Variants in NSUN4 observed in about 807,000 individuals in gnomAD.
NSUN4 encodes the protein NOP2/Sun RNA methyltransferase 4, also known as 5-cytosine rRNA methyltransferase NSUN4.
Under a neutral mutation model 43.8 loss-of-function variants are expected in NSUN4, and 31 were observed. The ratio of observed to expected loss-of-function variants is 0.71; its 90% CI spans 0.53 to 0.96. NSUN4 has a LOEUF of 0.96. NSUN4 is among the 40% of genes least tolerant of loss of function. NSUN4 has a pLI of 0.00. For missense variants in NSUN4, 439 were observed against 475.6 expected, an observed-to-expected ratio of 0.92 and a Z score of 0.72; for synonymous variants, 167 against 184.1, an observed-to-expected ratio of 0.91 and a Z score of 0.75.
the NSUN4 span, among the ~76,000 whole-genome samples, chr1:46,372,130 A>G: frequency 6.8e-6 from 1 of 146,116 alleles, no homozygotes; most frequent in Non-Finnish European, 1.5e-5. Flanking sequence ...TCTCCCAAAC[A>G]TGCCTTTTTA....
intron 4 of NSUN4, among the ~76,000 whole-genome samples, chr1:46,360,249 A>AAAATAT (rs1553177947): frequency 3.9e-5 from 1 of 25,738 alleles, no homozygotes; most frequent in African/African-American, 1.3e-4. Flanking sequence ...AAAAAAAAAA[A>AAAATAT]ATATATATAT....
At chr1:46,360,251 T>A (rs10535175) in intron 4 of NSUN4, among the ~76,000 whole-genome samples, 4,154 of 18,242 alleles carry the variant, frequency 0.23, 307 homozygotes, top group Non-Finnish European at 0.27. Flanking sequence ...AAAAAAAAAA[T>A]ATATATATAT....
chr1:46,356,876 G>A (rs991926266), intron 4 of NSUN4, among the ~76,000 whole-genome samples: 8 of 152,018 alleles, frequency 5.3e-5, no homozygotes, highest in African/African-American at 1.9e-4. Flanking sequence ...GTGAGCTCAA[G>A]TTTATTTCAA....
At position 46,364,521 on chromosome 1, in the gene NSUN4, G is replaced by A. The variant is rs1664068323; in HGVS notation, c.*2675G>A. The A allele has an allele frequency of 6.6e-6, 1 of 151,964 alleles. No homozygotes were observed. The highest frequency in any genetic ancestry group is 1.5e-5 in the Non-Finnish European group (1 of 68,026). The allele number at this position is 151,964 out of a possible 1,614,324, so 9.4% of individuals were successfully genotyped here. A position where few individuals can be genotyped will look rare whatever the true frequency, so the allele number is the denominator to read the frequency against. On this transcript the variant is annotated 3_prime_UTR_variant, in exon 6 of 6. Coordinates refer to ENST00000474844, the MANE Select transcript of NSUN4 (RefSeq NM_199044.4). ...GTGGTGAAACCCCATCTCTATAAAA[G>A]TACAAAAGGGCATGATGGCAGGTGC...
chr1:46,357,157 CT>C (rs901654224), intron 4 of NSUN4, among the ~76,000 whole-genome samples: 1 of 152,126 alleles, frequency 6.6e-6, no homozygotes, highest in South Asian at 2.1e-4. Flanking sequence ...CCTTTTCTTT[CT>C]TCTGTGACTG....
At chr1:46,346,224 G>C (rs1223200634) in intron 2 of NSUN4, among the ~76,000 whole-genome samples, 2 of 150,852 alleles carry the variant, frequency 1.3e-5, no homozygotes, top group East Asian at 3.9e-4. Context: ...CCCTCATAGA[G>C]CTTCCAGTTT....
chr1:46,351,892 C>G (rs1387358244), intron 3 of NSUN4, among the ~76,000 whole-genome samples: 1 of 151,494 alleles, frequency 6.6e-6, no homozygotes, highest in Admixed American at 6.6e-5. Flanking sequence ...TCTCGATCTC[C>G]TGACCTTGTG....
chr1:46,347,331 A>T (rs1662586507), intron 3 of NSUN4, among the ~76,000 whole-genome samples: 1 of 152,038 alleles, frequency 6.6e-6, no homozygotes, highest in African/African-American at 2.4e-5. Flanking sequence ...CCAGCTACTC[A>T]GGAGGCTGAG....
chr1:46,363,062 T>C lies in NSUN4; in HGVS notation c.*1216T>C, dbSNP rs41534051. 0.22 allele frequency: 33,981 copies of C among 151,926 alleles called. 4,275 individuals are homozygous for C. Among genetic ancestry groups the C allele is most frequent in the Non-Finnish European group, 0.29 (19,754 of 67,954 alleles). The allele number at this position is 151,926 out of a possible 1,614,324, so 9.4% of individuals were successfully genotyped here. On this transcript the variant is annotated 3_prime_UTR_variant, in exon 6 of 6. Transcript: ENST00000474844. ...TAGAATACCTGAAGGCTTCTTGGCTTTTCCACTTTCCTTATTCCTCCTCTT... is the reference window on the plus strand; with the variant it reads ...TAGAATACCTGAAGGCTTCTTGGCTCTTCCACTTTCCTTATTCCTCCTCTT...
downstream of NSUN4, among the ~76,000 whole-genome samples, chr1:46,365,498 C>T (rs1664113982): frequency 6.6e-6 from 1 of 152,080 alleles, no homozygotes; most frequent in Non-Finnish European, 1.5e-5. Context: ...CACCACCATG[C>T]CTGGTTAATT....
At chr1:46,348,806 C>CTGT (rs1662730065) in intron 3 of NSUN4, among the ~76,000 whole-genome samples, 1 of 81,084 alleles carries the variant, frequency 1.2e-5, no homozygotes, top group Non-Finnish European at 2.4e-5. Flanking sequence ...GCCTTGTGCA[C>CTGT]TGTTTTTTTT....
downstream of NSUN4, among the ~76,000 whole-genome samples, chr1:46,365,361 A>T (rs1378822726): frequency 6.6e-6 from 1 of 151,768 alleles, no homozygotes; most frequent in African/African-American, 2.4e-5. Flanking sequence ...ATTTTTTGAG[A>T]TGGAGTCTCA....
intron 3 of NSUN4, among the ~76,000 whole-genome samples, chr1:46,347,561 A>G (rs1220391171): frequency 6.6e-6 from 1 of 152,234 alleles, no homozygotes; most frequent in Non-Finnish European, 1.5e-5. Flanking sequence ...CAATTGGTCA[A>G]GAAAGATTGC....
At position 46,340,834 on chromosome 1, in the gene NSUN4, C is replaced by A. The variant is rs201083296; in HGVS notation, c.8C>A (p.Ala3Glu). The change falls in exon 1 of 6, where the codon GCG becomes GAG. Residue 3 changes from alanine (A) to glutamate (E), a missense_variant. By Grantham distance (107) the Ala-to-Glu change is moderately radical. Coordinates refer to ENST00000474844, the MANE Select transcript of NSUN4 (RefSeq NM_199044.4). MA[A>E]LTLRGVRELL... is the part of the protein sequence containing the mutation. ...CCCGTGGAGCACGCCGATATGGCTG[C>A]GCTGACACTGAGGGGTGTCCGGGAG... is the stretch of plus-strand genomic sequence containing the variant. 6.2e-7 allele frequency: 1 copy of A among 1,609,982 alleles called. No individual in the cohort carries two copies. The highest frequency in any genetic ancestry group is 2.2e-5 in the East Asian group (1 of 44,732).
At position 46,355,818 on chromosome 1, in the gene NSUN4, C is replaced by T. The variant is rs1663323944; in HGVS notation, c.753+2790C>T. Reference sequence around the variant, plus strand: ...TCACCTGAGGTCAGGAGTTTGAGACCAGCCTGGCCAACGTGGTGAAACCCC... The same window carrying T: ...TCACCTGAGGTCAGGAGTTTGAGACTAGCCTGGCCAACGTGGTGAAACCCC... On this transcript the variant is annotated intron_variant, in intron 4 of 5. Coordinates refer to ENST00000474844, the MANE Select transcript of NSUN4 (RefSeq NM_199044.4). Among the ~76,000 whole-genome samples the T allele has an allele frequency of 1.3e-5, 2 of 152,052 alleles. 1 individual carries two copies. Among genetic ancestry groups the T allele is most frequent in the South Asian group, 4.1e-4 (2 of 4,830 alleles).
chr1:46,359,676 G>A (rs532241318), intron 4 of NSUN4, among the ~76,000 whole-genome samples: 1 of 150,270 alleles, frequency 6.7e-6, no homozygotes, highest in African/African-American at 2.5e-5. Context: ...TTAGCCTCCC[G>A]AGTAGCTGGG....
At position 46,352,950 on chromosome 1, in the gene NSUN4, C is replaced by T. The variant is rs746671038; in HGVS notation, c.675C>T (p.Ile225=). Residue 225 remains isoleucine, a synonymous_variant, in exon 4 of 6, where the codon ATC becomes ATT. Transcript: ENST00000474844. ...KILHSYVPEE[I]RDGNQVRVTS... is the part of the protein sequence containing the mutation. ...TTCACAGCTATGTGCCTGAAGAGAT[C>T]AGGGATGGAAATCAAGTTCGAGTTA... 4 of 1,614,070 alleles carry T rather than the reference C, an allele frequency of 2.5e-6. No homozygotes were observed. Among genetic ancestry groups the T allele is most frequent in the Non-Finnish European group, 2.5e-6 (3 of 1,179,932 alleles).
the NSUN4 span, among the ~76,000 whole-genome samples, chr1:46,375,329 G>A: frequency 1.3e-5 from 2 of 151,888 alleles, no homozygotes; most frequent in Non-Finnish European, 2.9e-5. Context: ...CAGCTACTCG[G>A]GAAGCTGAGG....
rs748180937 is a variant in NSUN4, at chr1:46,360,828, C to T, written c.878C>T (p.Ala293Val). The change falls in exon 5 of 6, where the codon GCG becomes GTG. Residue 293 changes from alanine (A) to valine (V), a missense_variant and splice_region_variant. Transcript: ENST00000474844. ...ILPVLQVQLLAAGLLATKPGG... is the reference protein window; with the variant it reads ...ILPVLQVQLLVAGLLATKPGG... The stretch of plus-strand genomic sequence containing the variant: ...CCTGTGCTGCAAGTGCAGCTTCTTG[C>T]GTGAGTGACAGATTTTTAAACTCAG... 9.9e-6 allele frequency: 16 copies of T among 1,613,340 alleles called. No homozygotes were observed. Among genetic ancestry groups the T allele is most frequent in the African/African-American group, 4.0e-5 (3 of 74,916 alleles).
Sources: allele counts gnomAD v4.1 joint callset (sites outside exome capture counted in the v4.1 genomes callset), GRCh38; gene constraint gnomAD v4.1.1; transcripts MANE v1.5; gene names NCBI Gene and HGNC (gene_info 2026-07-23, HGNC 2026-07-21).